The following FAM219A variants were observed in gnomAD, a reference collection of about 807,000 sequenced individuals.
FAM219A encodes the protein protein FAM219A.
A neutral mutation model predicts 23.4 loss-of-function variants in FAM219A; 7 were observed. The observed-to-expected ratio is 0.30, with a 90% CI of 0.17 to 0.56. FAM219A has a LOEUF of 0.56. Among genes scored for constraint, FAM219A ranks in the 20% least tolerant of loss-of-function variants. The pLI is 0.92. For missense variants in FAM219A, 166 were observed against 246.9 expected, an observed-to-expected ratio of 0.67 and a Z score of 2.20; for synonymous variants, 93 against 99.0, an observed-to-expected ratio of 0.94 and a Z score of 0.36.
At chr9:34,438,339 C>A (rs1307131868) in intron 1 of FAM219A, among the ~76,000 whole-genome samples, 2 of 152,242 alleles carry the variant, frequency 1.3e-5, no homozygotes, top group Admixed American at 1.3e-4. Flanking sequence ...GGGCGCATGG[C>A]ACCGGGACTG....
At chr9:34,436,840 T>A (rs185300150) in intron 1 of FAM219A, among the ~76,000 whole-genome samples, 69 of 152,360 alleles carry the variant, frequency 4.5e-4, no homozygotes, top group African/African-American at 1.6e-3. Context: ...GGTGTCATAT[T>A]ACCTACTTTG....
chr9:34,420,349 T>C (rs765155034), intron 1 of FAM219A, among the ~76,000 whole-genome samples: 4 of 152,264 alleles, frequency 2.6e-5, no homozygotes, highest in East Asian at 1.9e-4. Context: ...ACATACAAGA[T>C]TGGGCCTGGG....
At chr9:34,442,103 C>G (rs1823197723) in intron 1 of FAM219A, among the ~76,000 whole-genome samples, 1 of 152,176 alleles carries the variant, frequency 6.6e-6, no homozygotes, top group Non-Finnish European at 1.5e-5. Flanking sequence ...GAAATACATA[C>G]ACATCACACC....
chr9:34,426,471 C>T (rs1822477114), intron 1 of FAM219A, among the ~76,000 whole-genome samples: 1 of 152,216 alleles, frequency 6.6e-6, no homozygotes, highest in Admixed American at 6.5e-5. Context: ...CCACCAATAG[C>T]CCAGCTCTAG....
intron 1 of FAM219A, among the ~76,000 whole-genome samples, chr9:34,451,548 G>A (rs931053115): frequency 1.2e-4 from 18 of 148,632 alleles, no homozygotes; most frequent in Non-Finnish European, 2.4e-4. Flanking sequence ...TTCCAGACAC[G>A]AGGCTCCACC....
At chr9:34,406,031 T>C (rs1821625367) in intron 1 of FAM219A, 67 bp from the exon 2 acceptor site, 9 of 1,458,790 alleles carry the variant, frequency 6.2e-6, no homozygotes, top group Non-Finnish European at 8.4e-6. Context: ...CTCTCAGTCC[T>C]GAAGCTAGCC....
At position 34,417,918 on chromosome 9, in the gene FAM219A, A is replaced by G. The variant is rs10758260; in HGVS notation, c.61-11954T>C. On this transcript the variant is annotated intron_variant, in intron 1 of 5. Coordinates refer to ENST00000651358, the MANE Select transcript of FAM219A (RefSeq NM_001184940.2). This position sits in a 1 kb window ranked among gnomAD's most constrained non-coding sequence, Gnocchi z 4.1. ...GAAGGGCTTTAAGTGGAGCACTGGC[A>G]CTGCCTGGCAACTGGGCACTGTGCT... Among the ~76,000 whole-genome samples the G allele has an allele frequency of 0.8, 122,496 of 152,194 alleles. 49,484 individuals carry two copies. Among genetic ancestry groups the G allele is most frequent in the Non-Finnish European group, 0.84 (57,292 of 68,010 alleles).
intron 1 of FAM219A, among the ~76,000 whole-genome samples, chr9:34,416,808 A>ATGTTTT (rs60995496): frequency 0.011 from 1,249 of 113,548 alleles, 28 homozygotes; most frequent in Non-Finnish European, 0.015. Context: ...TCAGCTCTCC[A>ATGTTTT]TTTTTTTTTT....
In FAM219A at chr9:34,399,673, G is replaced by A. The variant is rs1346266124; in HGVS notation, c.*1291C>T. The A allele has an allele frequency of 1.3e-5, 2 of 152,124 alleles. No homozygotes were observed. The highest frequency in any genetic ancestry group is 4.1e-4 in the South Asian group (2 of 4,824). The allele number at this position is 152,124 out of a possible 1,614,324, so 9.4% of individuals were successfully genotyped here. On this transcript the variant is annotated 3_prime_UTR_variant, in exon 6 of 6. Coordinates refer to ENST00000651358, the MANE Select transcript of FAM219A (RefSeq NM_001184940.2). ...AATTTCTATGAAGAAACTCTTTCAG[G>A]TATAAAAGGATCTTCAACATAATTT...
rs1020940906 is a variant in FAM219A, at chr9:34,442,097, T to C, written c.60+16107A>G. 2.0e-5 allele frequency among the ~76,000 whole-genome samples: 3 copies of C among 152,170 alleles called. No individual in the cohort carries two copies. The South Asian group carries it at 6.2e-4, about 32-fold the overall frequency. ...ATGTTATGTGCTTCCTGGTATGAAATACATACACATCACACCTCAAAAGGT... is the reference window on the plus strand; with the variant it reads ...ATGTTATGTGCTTCCTGGTATGAAACACATACACATCACACCTCAAAAGGT... On this transcript the variant is annotated intron_variant, in intron 1 of 5. Transcript: ENST00000651358.
At chr9:34,420,780 G>A (rs538899458) in intron 1 of FAM219A, among the ~76,000 whole-genome samples, 6 of 151,880 alleles carry the variant, frequency 4.0e-5, no homozygotes, top group Non-Finnish European at 5.9e-5. Flanking sequence ...AGTTCAAGAC[G>A]AGTCTGGGCA....
At chr9:34,406,030 C>T in intron 1 of FAM219A, 66 bp from the exon 2 acceptor site, 3 of 1,461,682 alleles carry the variant, frequency 2.1e-6, no homozygotes, top group South Asian at 2.6e-5. Context: ...GCTCTCAGTC[C>T]TGAAGCTAGC....
At chr9:34,419,073 TCAAA>T (rs34174911) in intron 1 of FAM219A, among the ~76,000 whole-genome samples, 5,218 of 151,722 alleles carry the variant, frequency 0.034, 273 homozygotes, top group African/African-American at 0.11. Flanking sequence ...AGACTCTGTC[TCAAA>T]CAAACAAACA....
intron 1 of FAM219A, among the ~76,000 whole-genome samples, chr9:34,453,723 C>T (rs1823640659): frequency 6.6e-6 from 1 of 152,138 alleles, no homozygotes; most frequent in South Asian, 2.1e-4. Flanking sequence ...CTCTTTGGTC[C>T]CTGAGAGCAC....
intron 1 of FAM219A, among the ~76,000 whole-genome samples, chr9:34,455,524 T>TGGTA (rs1397863973): frequency 2.7e-4 from 41 of 150,078 alleles, no homozygotes; most frequent in Non-Finnish European, 4.4e-4. Flanking sequence ...TGGAATGTAG[T>TGGTA]GGTAGGCACA....
rs1014244977 is a variant in FAM219A at position 34,456,378 on chromosome 9, C to A, written c.60+1826G>T. Among the ~76,000 whole-genome samples the A allele has an allele frequency of 2.7e-4, 41 of 152,182 alleles. 1 individual carries two copies. Among genetic ancestry groups the A allele is most frequent in the Admixed American group, 2.6e-3 (39 of 15,278 alleles). ...CCAAACCACTATTCAGAATTTCAGG[C>A]AATAACAGAAGCACCAAGGACAACT... On this transcript the variant is annotated intron_variant, in intron 1 of 5. Coordinates refer to ENST00000651358, the MANE Select transcript of FAM219A (RefSeq NM_001184940.2).
intron 5 of FAM219A, 141 bp downstream of exon 5, chr9:34,401,525 C>A: frequency 1.1e-6 from 1 of 938,366 alleles, no homozygotes; most frequent in Non-Finnish European, 1.6e-6. Context: ...CCATCCTATC[C>A]CAGGCCCACC....
chr9:34,451,604 G>A (rs1181185603), intron 1 of FAM219A, among the ~76,000 whole-genome samples: 1 of 152,168 alleles, frequency 6.6e-6, no homozygotes, highest in Non-Finnish European at 1.5e-5. Context: ...AATCAGGTTT[G>A]AGTGAAGAAG....
chr9:34,453,647 C>T (rs181997055), intron 1 of FAM219A, among the ~76,000 whole-genome samples: 4 of 152,298 alleles, frequency 2.6e-5, no homozygotes, highest in South Asian at 2.1e-4. Flanking sequence ...GTTTCAGTGA[C>T]GCTACAGTAA....
Sources: gnomAD v4.1 joint callset for allele counts (sites outside exome capture counted in the v4.1 genomes callset) on GRCh38, gnomAD v4.1.1 for gene constraint, Gnocchi (gnomAD v3.1) non-coding constraint, MANE v1.5 for transcripts, NCBI Gene and HGNC (gene_info 2026-07-23, HGNC 2026-07-21) for gene names.